PACRG: variants seen among roughly 807,000 people sequenced by gnomAD.
PACRG encodes the protein parkin coregulated gene protein.
A neutral mutation model predicts 29.7 loss-of-function variants in PACRG; 29 were observed. The ratio of observed to expected loss-of-function variants is 0.98; its 90% CI spans 0.73 to 1.33. The LOEUF (loss-of-function observed/expected upper bound fraction) is 1.33, where lower values mean the gene tolerates loss of function less well. Among genes scored for constraint, PACRG ranks in the 40% most tolerant of loss-of-function variants. The pLI is 0.00. For synonymous variants in PACRG, 116 were observed against 118.7 expected, an observed-to-expected ratio of 0.98 and a Z score of 0.15; for missense variants, 279 against 316.2, an observed-to-expected ratio of 0.88 and a Z score of 0.89.
At chr6:163,294,049 CCA>C (rs936922589) in intron 4 of PACRG, among the ~76,000 whole-genome samples, 15 of 146,142 alleles carry the variant, frequency 1.0e-4, no homozygotes, top group African/African-American at 3.9e-4. Flanking sequence ...TCTTTACCCC[CCA>C]AAAAAATTAA....
At chr6:163,214,907 A>G (rs1007895585) in intron 4 of PACRG, among the ~76,000 whole-genome samples, 7 of 152,220 alleles carry the variant, frequency 4.6e-5, no homozygotes, top group African/African-American at 1.4e-4. Context: ...GCTGGCTTAA[A>G]AAAGAAATCT....
At chr6:163,248,360 G>C (rs550763085) in intron 4 of PACRG, among the ~76,000 whole-genome samples, 1 of 151,776 alleles carries the variant, frequency 6.6e-6, no homozygotes, top group Non-Finnish European at 1.5e-5. Flanking sequence ...TTATTGTGTG[G>C]GGATTGCTCA....
chr6:162,981,441 A>G, intron 2 of PACRG, among the ~76,000 whole-genome samples: 1 of 151,880 alleles, frequency 6.6e-6, no homozygotes, highest in South Asian at 2.1e-4. Context: ...CTATGGCCTT[A>G]TAATATAGTT....
At chr6:162,893,921 A>G (rs1209870184) in intron 2 of PACRG, among the ~76,000 whole-genome samples, 1 of 152,050 alleles carries the variant, frequency 6.6e-6, no homozygotes. Context: ...CCCCAGACTC[A>G]CTCTTAGTGG....
At chr6:163,065,501 C>A (rs1811458817) in intron 3 of PACRG, among the ~76,000 whole-genome samples, 1 of 152,094 alleles carries the variant, frequency 6.6e-6, no homozygotes, top group African/African-American at 2.4e-5. Flanking sequence ...CAAGAGCAAC[C>A]AGCAAACTCT....
chr6:162,970,353 G>C (rs1220909344), intron 2 of PACRG, among the ~76,000 whole-genome samples: 3 of 152,148 alleles, frequency 2.0e-5, no homozygotes, highest in Admixed American at 2.0e-4. Context: ...CGGAGCTGCT[G>C]TGGGAATATA....
intron 2 of PACRG, among the ~76,000 whole-genome samples, chr6:162,951,514 A>G (rs1049076486): frequency 1.3e-5 from 2 of 152,198 alleles, no homozygotes; most frequent in African/African-American, 4.8e-5. Context: ...CACCAAACAT[A>G]GGAACTGGTT....
chr6:162,805,138 G>A (rs949160391), intron 1 of PACRG, among the ~76,000 whole-genome samples: 22 of 152,136 alleles, frequency 1.4e-4, no homozygotes, highest in African/African-American at 2.7e-4. Flanking sequence ...TATGTGGTCC[G>A]TTGTTTACTG....
At chr6:162,864,461 G>A (rs1792128024) in intron 2 of PACRG, among the ~76,000 whole-genome samples, 1 of 152,032 alleles carries the variant, frequency 6.6e-6, no homozygotes, top group Non-Finnish European at 1.5e-5. Flanking sequence ...TTGATCCTGG[G>A]AGTTTAACGA....
chr6:162,745,366 A>G (rs1309849470), intron 1 of PACRG, among the ~76,000 whole-genome samples: 3 of 151,904 alleles, frequency 2.0e-5, no homozygotes, highest in Non-Finnish European at 4.4e-5. Flanking sequence ...GGGGAACAAC[A>G]CACACAGGGG....
Position 162,814,154 on chromosome 6 carries a change from G to A in PACRG, c.164G>A (p.Gly55Asp), listed in dbSNP as rs1787123991. 6.2e-7 allele frequency: 1 copy of A among 1,609,932 alleles called. No homozygotes were observed. The highest frequency in any genetic ancestry group is 2.2e-5 in the East Asian group (1 of 44,792). The part of the protein sequence containing the change: ...KAMMKNSVVR[G>D]PPAAGAFKER... ...TTTTTTTTTCCAATTAAGGTGAGAG[G>A]CCCTCCAGCTGCAGGGGCATTTAAA... The change falls in exon 2 of 5, where the codon GGC becomes GAC. Residue 55 changes from glycine (G) to aspartate (D), a missense_variant. Transcript: ENST00000366888.
chr6:163,311,495 A>G (rs1267010702), intron 4 of PACRG, among the ~76,000 whole-genome samples: 3 of 152,200 alleles, frequency 2.0e-5, no homozygotes, highest in Non-Finnish European at 4.4e-5. Context: ...GTTCAAACTT[A>G]ATCATCTCAA....
rs148798497 is a variant in PACRG, at chr6:162,995,713, C to A, written c.292-66437C>A. On this transcript the variant is annotated intron_variant, in intron 2 of 4. Transcript: ENST00000366888. Reference sequence around the variant, plus strand: ...AATCACCCGTCTTCTGCGTCGCTCACGCTGGGAGCTGTAGACCGGAGCTGT... The same window carrying A: ...AATCACCCGTCTTCTGCGTCGCTCAAGCTGGGAGCTGTAGACCGGAGCTGT... 7.2e-3 allele frequency among the ~76,000 whole-genome samples: 1,097 copies of A among 152,328 alleles called. 10 individuals carry two copies. The highest frequency in any genetic ancestry group is 0.025 in the African/African-American group (1,055 of 41,570).
At chr6:162,872,176 T>C (rs945526823) in intron 2 of PACRG, among the ~76,000 whole-genome samples, 1 of 152,090 alleles carries the variant, frequency 6.6e-6, no homozygotes, top group South Asian at 2.1e-4. Context: ...TTTAAGGAGG[T>C]GGACTCATAG....
intron 2 of PACRG, among the ~76,000 whole-genome samples, chr6:162,871,963 GACT>G (rs935385021): frequency 1.1e-4 from 17 of 151,714 alleles, no homozygotes; most frequent in African/African-American, 3.6e-4. Context: ...AAAAACAAAA[GACT>G]ACTTTCTCAA....
chr6:163,101,931 CA>C (rs766669965), intron 4 of PACRG, among the ~76,000 whole-genome samples: 4 of 152,020 alleles, frequency 2.6e-5, no homozygotes, highest in Non-Finnish European at 5.9e-5. Context: ...CAAAACAAAA[CA>C]AAAAAAGTTG....
intron 2 of PACRG, among the ~76,000 whole-genome samples, chr6:162,900,374 T>C (rs1376492359): frequency 6.6e-6 from 1 of 152,148 alleles, no homozygotes; most frequent in Non-Finnish European, 1.5e-5. Flanking sequence ...CTGTGATTCC[T>C]AGGTGATTCC....
At chr6:162,790,624 AT>A (rs1369670494) in intron 1 of PACRG, among the ~76,000 whole-genome samples, 62 of 152,220 alleles carry the variant, frequency 4.1e-4, no homozygotes, top group African/African-American at 1.4e-3. Context: ...CCCTTTACAC[AT>A]CTTACTGTAT....
At position 162,893,351 on chromosome 6, in the gene PACRG, T is replaced by A. The variant is rs553553368; in HGVS notation, c.291+79070T>A. On this transcript the variant is annotated intron_variant, in intron 2 of 4. Coordinates refer to ENST00000366888, the MANE Select transcript of PACRG (RefSeq NM_001080379.2). ...GGACAGACAGGGCAGGGTAAATGGA[T>A]GGCTCTCAAACAGTCTCTCCAAAGC... is the stretch of plus-strand genomic sequence containing the variant. 1.3e-5 allele frequency among the ~76,000 whole-genome samples: 2 copies of A among 152,158 alleles called. 1 individual carries two copies. Among genetic ancestry groups the A allele is most frequent in the South Asian group, 4.1e-4 (2 of 4,822 alleles).
Sources: gnomAD v4.1 joint callset for allele counts (sites outside exome capture counted in the v4.1 genomes callset) on GRCh38, gnomAD v4.1.1 for gene constraint, MANE v1.5 for transcripts, NCBI Gene and HGNC (gene_info 2026-07-23, HGNC 2026-07-21) for gene names.